The following WASF2 variants were observed in gnomAD, a reference collection of about 807,000 sequenced individuals.
The protein encoded by WASF2 is WASP family member 2.
WASF2 carries 14 observed loss-of-function variants against 45.0 expected under a neutral mutation model. The observed-to-expected ratio is 0.31, with a 90% CI of 0.21 to 0.49. WASF2 has a LOEUF of 0.49. Among genes scored for constraint, WASF2 ranks in the 20% least tolerant of loss-of-function variants. The pLI, the probability that WASF2 is intolerant of heterozygous loss-of-function variation, is 0.99. For missense variants in WASF2, 439 were observed against 636.1 expected (o/e 0.69, Z 3.33); for synonymous variants, 200 against 236.3 (o/e 0.85, Z 1.41).
At position 27,414,141 on chromosome 1, in the gene WASF2, T is replaced by C. The variant is rs1169358744; in HGVS notation, c.668+692A>G. ...GGGCGACATTCATGCCAAGCAGTCA[T>C]GGTGACTTGGCTTTGAATGTCAACC... On this transcript the variant is annotated intron_variant, in intron 6 of 8. Coordinates refer to ENST00000618852, the MANE Select transcript of WASF2 (RefSeq NM_006990.5). This position sits in a 1 kb window ranked among gnomAD's most constrained non-coding sequence, Gnocchi z 4.1. Among the ~76,000 whole-genome samples the C allele has an allele frequency of 6.6e-6, 1 of 152,218 alleles. No homozygotes were observed. Among genetic ancestry groups the C allele is most frequent in the Non-Finnish European group, 1.5e-5 (1 of 68,034 alleles).
chr1:27,419,546 C>T (rs1425350663), intron 2 of WASF2, among the ~76,000 whole-genome samples: 6 of 152,122 alleles, frequency 3.9e-5, no homozygotes, highest in Admixed American at 6.6e-5. Context: ...CCTCGGGAGG[C>T]GGAGGTTGCA....
At chr1:27,439,972 G>C (rs1039089920) in intron 1 of WASF2, among the ~76,000 whole-genome samples, 9 of 152,114 alleles carry the variant, frequency 5.9e-5, no homozygotes, top group African/African-American at 2.2e-4. Context: ...CTGCCCTCCA[G>C]CCTTTGAGAC....
At chr1:27,418,124 T>C in intron 4 of WASF2, 145 bp downstream of exon 4, 1 of 948,318 alleles carries the variant, frequency 1.1e-6, no homozygotes, top group Middle Eastern at 3.4e-4. Flanking sequence ...TTTTAGTTTC[T>C]GCTGCCACAG....
chr1:27,422,635 A>C (rs563903759), intron 2 of WASF2, among the ~76,000 whole-genome samples: 1 of 150,952 alleles, frequency 6.6e-6, no homozygotes, highest in Non-Finnish European at 1.5e-5. Flanking sequence ...AAAAAAAAAA[A>C]AGAAAATTGG....
intron 8 of WASF2, 139 bp from the exon 9 acceptor site, chr1:27,408,485 G>T: frequency 8.2e-7 from 1 of 1,215,576 alleles, no homozygotes; most frequent in Non-Finnish European, 1.1e-6. Flanking sequence ...TTATGGAAAA[G>T]CAGAAGAAGA....
rs1557615464 is a variant in WASF2 at position 27,461,654 on chromosome 1, T to A, written c.-44+28332A>T. Among the ~76,000 whole-genome samples, 5 of 151,884 alleles carry A rather than the reference T, an allele frequency of 3.3e-5. No individual in the cohort carries two copies. The South Asian group carries it at 8.3e-4, about 25-fold the overall frequency. On this transcript the variant is annotated intron_variant, in intron 1 of 8. Coordinates refer to ENST00000618852, the MANE Select transcript of WASF2 (RefSeq NM_006990.5). ...ATTTTTTTTTTTAAATTTCTTATTT[T>A]TCGTAGAGTCGGGGTTTCACCGTGT... is the stretch of plus-strand genomic sequence containing the variant.
intron 2 of WASF2, among the ~76,000 whole-genome samples, chr1:27,422,662 TTC>T (rs1039158344): frequency 6.6e-6 from 1 of 151,944 alleles, no homozygotes; most frequent in Non-Finnish European, 1.5e-5. Flanking sequence ...TCTCAGCTCT[TTC>T]TATTTATACT....
chr1:27,468,264 CAACTAGCA>C (rs2017641726), intron 1 of WASF2, among the ~76,000 whole-genome samples: 2 of 152,088 alleles, frequency 1.3e-5, no homozygotes, highest in African/African-American at 4.8e-5. Flanking sequence ...TACAGAAATT[CAACTAGCA>C]AAGTCCAGAA....
intron 5 of WASF2, among the ~76,000 whole-genome samples, chr1:27,415,470 G>A (rs1035706924): frequency 6.6e-6 from 1 of 152,212 alleles, no homozygotes; most frequent in African/African-American, 2.4e-5. Context: ...ATGGGACTGA[G>A]GTTGCAACTG....
intron 1 of WASF2, among the ~76,000 whole-genome samples, chr1:27,456,271 G>A (rs1312356546): frequency 6.8e-6 from 1 of 147,228 alleles, no homozygotes; most frequent in East Asian, 2.1e-4. Flanking sequence ...GCAGTGGGCT[G>A]AGACTGCACC....
intron 1 of WASF2, among the ~76,000 whole-genome samples, chr1:27,471,120 G>A (rs373127552): frequency 1.2e-4 from 18 of 151,958 alleles, no homozygotes; most frequent in African/African-American, 4.1e-4. Flanking sequence ...CGAGGCGGGC[G>A]GATCACGAGG....
At chr1:27,429,046 T>TA (rs1327827358) in intron 1 of WASF2, 113 bp from the exon 2 acceptor site, 96 of 927,818 alleles carry the variant, frequency 1.0e-4, no homozygotes, top group Admixed American at 4.3e-4. Flanking sequence ...AAAACAGCTT[T>TA]AAAAAAAATC....
chr1:27,454,173 A>T (rs1262289030), intron 1 of WASF2, among the ~76,000 whole-genome samples: 2 of 62,328 alleles, frequency 3.2e-5, no homozygotes, highest in African/African-American at 1.5e-4. Context: ...ATATATATAT[A>T]TATATATATA....
At position 27,412,644 on chromosome 1, in the gene WASF2, T is replaced by C; in HGVS notation, c.752A>G (p.Gln251Arg). 6.2e-7 allele frequency: 1 copy of C among 1,614,230 alleles called. No homozygotes were observed. The highest frequency in any genetic ancestry group is 8.5e-7 in the Non-Finnish European group (1 of 1,180,036). ...VDASSYPPPP[Q>R]SDSASSPSPS... ...AGAAGGTGAAGAAGCAGAGTCTGAC[T>C]GTGGTGGTGGCGGATAGCTACTTGC... The change falls in exon 7 of 9, where the codon CAG (glutamine) becomes CGG (arginine). Residue 251 changes from glutamine to arginine, a missense_variant. Gln to Arg is a conservative substitution (Grantham distance 43). Transcript: ENST00000618852.
chr1:27,426,656 G>A (rs1571129571), intron 2 of WASF2, among the ~76,000 whole-genome samples: 1 of 152,058 alleles, frequency 6.6e-6, no homozygotes, highest in East Asian at 1.9e-4. Context: ...GATTACAGGT[G>A]TGTGACAACA....
intron 1 of WASF2, among the ~76,000 whole-genome samples, chr1:27,460,514 A>AG (rs2017529867): frequency 1.3e-5 from 2 of 152,228 alleles, no homozygotes; most frequent in South Asian, 4.1e-4. Context: ...GCCAAGAGGT[A>AG]TCCTTTCAGG....
At chr1:27,467,452 C>T (rs1009056381) in intron 1 of WASF2, among the ~76,000 whole-genome samples, 8 of 149,842 alleles carry the variant, frequency 5.3e-5, no homozygotes, top group Non-Finnish European at 1.0e-4. Context: ...AGGCACCTGC[C>T]ACCACGCCCG....
At position 27,410,719 on chromosome 1, in the gene WASF2, G is replaced by A. The variant is rs1299813902; in HGVS notation, c.825-513C>T. On this transcript the variant is annotated intron_variant, in intron 7 of 8. Transcript: ENST00000618852. The surrounding 1 kb of genome is among the most constrained non-coding windows in gnomAD (Gnocchi z 4.2). ...TGGAGAGGGCAGGAAACCCAAGCCA[G>A]GCTGACCACACCTGAGTGGGATATA... Among the ~76,000 whole-genome samples, 1 of 152,220 alleles carries A rather than the reference G, an allele frequency of 6.6e-6. No individual in the cohort carries two copies. Among genetic ancestry groups the A allele is most frequent in the African/African-American group, 2.4e-5 (1 of 41,462 alleles).
At position 27,478,944 on chromosome 1, in the gene WASF2, C is replaced by T. The variant is rs117766734; in HGVS notation, c.-44+11042G>A. On this transcript the variant is annotated intron_variant, in intron 1 of 8. Transcript: ENST00000618852. ...ATAGGTGTTTACATTTGTCAAAACT[C>T]GTCTAATTATATACTTCCATCTCAC... 1.8e-4 allele frequency among the ~76,000 whole-genome samples: 28 copies of T among 151,934 alleles called. No individual in the cohort carries two copies. In the East Asian group the frequency reaches 4.9e-3, roughly 26 times the overall value.
Sources: gnomAD v4.1 joint callset for allele counts (sites outside exome capture counted in the v4.1 genomes callset) on GRCh38, gnomAD v4.1.1 for gene constraint, Gnocchi (gnomAD v3.1) non-coding constraint, MANE v1.5 for transcripts, NCBI Gene and HGNC (gene_info 2026-07-23, HGNC 2026-07-21) for gene names.